Variants in SYDE2 observed in about 807,000 individuals in gnomAD.
SYDE2 encodes the protein rho GTPase-activating protein SYDE2.
In SYDE2, 76 loss-of-function variants were observed where a neutral mutation model predicts 91.5. The observed-to-expected ratio is 0.83, with a 90% CI of 0.69 to 1.01. The LOEUF is 1.01. SYDE2 is among the 50% of genes least tolerant of loss of function. The pLI, the probability that SYDE2 is intolerant of heterozygous loss-of-function variation, is 0.00. For missense variants in SYDE2, 1,364 were observed against 1,367.7 expected, an observed-to-expected ratio of 1.00 and a Z score of 0.04; for synonymous variants, 513 against 506.4, an observed-to-expected ratio of 1.01 and a Z score of -0.18.
chr1:85,180,411 G>A (rs1354968113), intron 3 of SYDE2, among the ~76,000 whole-genome samples: 1 of 152,092 alleles, frequency 6.6e-6, no homozygotes, highest in Non-Finnish European at 1.5e-5. Flanking sequence ...ACAGTTCTAG[G>A]CCGGACGCGG....
At position 85,200,282 on chromosome 1, in the gene SYDE2, C is replaced by A; in HGVS notation, c.715G>T (p.Val239Leu). The change falls in exon 1 of 7, where the codon GTG (valine) becomes TTG (leucine). Residue 239 changes from valine (V) to leucine (L), a missense_variant. Val to Leu is a conservative substitution (Grantham distance 32, BLOSUM62 1). Transcript: ENST00000341460. ...AGCGTAATTCTTTGGTCTGGAGGCA[C>A]CGACAGGACACGGTTTTCACGCACT... ...LKVRENRVLS[V>L]PPDQRITLTD... is the part of the protein sequence containing the mutation. 1.2e-6 allele frequency: 2 copies of A among 1,613,994 alleles called. No individual in the cohort carries two copies. Among genetic ancestry groups the A allele is most frequent in the Non-Finnish European group, 1.7e-6 (2 of 1,179,904 alleles).
At chr1:85,184,609 T>C (rs1197441415) in intron 2 of SYDE2, among the ~76,000 whole-genome samples, 1 of 133,112 alleles carries the variant, frequency 7.5e-6, no homozygotes, top group Non-Finnish European at 1.7e-5. Flanking sequence ...ATATATATCA[T>C]GGTGGCTCAC....
chr1:85,191,150 G>A (rs1393991068), intron 1 of SYDE2, among the ~76,000 whole-genome samples: 1 of 152,126 alleles, frequency 6.6e-6, no homozygotes, highest in African/African-American at 2.4e-5. Context: ...GAAGTCCTTA[G>A]AAATATAATA....
chr1:85,187,634 AG>A (rs1658200641), intron 2 of SYDE2, among the ~76,000 whole-genome samples: 1 of 151,296 alleles, frequency 6.6e-6, no homozygotes, highest in Non-Finnish European at 1.5e-5. Flanking sequence ...CAACAATGAT[AG>A]ACTGGATTAA....
At position 85,169,150 on chromosome 1, in the gene SYDE2, G is replaced by T; in HGVS notation, c.2747C>A (p.Ala916Glu). Residue 916 changes from alanine (A) to glutamate (E), a missense_variant, in exon 5 of 7, where the codon GCA becomes GAA. Transcript: ENST00000341460. ...TKQLYEAVLD[A>E]MAKSPLKMSS... Reference sequence around the variant, plus strand: ...CATTTTCAAAGGACTTTTTGCCATTGCATCTAATACAGCCTCATAAAGCTG... The same window carrying T: ...CATTTTCAAAGGACTTTTTGCCATTTCATCTAATACAGCCTCATAAAGCTG... 1 of 1,613,802 alleles carries T rather than the reference G, an allele frequency of 6.2e-7. No individual in the cohort carries two copies. The highest frequency in any genetic ancestry group is 2.2e-5 in the East Asian group (1 of 44,852).
In SYDE2 at chr1:85,182,632, A is replaced by T. The variant is rs915980696; in HGVS notation, c.2010T>A (p.Asp670Glu). 1 of 1,613,798 alleles carries T rather than the reference A, an allele frequency of 6.2e-7. No individual in the cohort carries two copies. Among genetic ancestry groups the T allele is most frequent in the Non-Finnish European group, 8.5e-7 (1 of 1,179,860 alleles). The change falls in exon 3 of 7, where the codon GAT becomes GAA. Residue 670 changes from aspartate (D) to glutamate (E), a missense_variant. Transcript: ENST00000341460. The part of the protein sequence containing the change: ...IDAFRHYSFS[D>E]QPKCSQYISG... ...ATATGTACTGTGAACACTTAGGTTG[A>T]TCAGAAAAGCTATAATGCCTAAAAG...
At chr1:85,168,043 A>G (rs1289333150) in intron 5 of SYDE2, among the ~76,000 whole-genome samples, 1 of 151,836 alleles carries the variant, frequency 6.6e-6, no homozygotes, top group Non-Finnish European at 1.5e-5. Flanking sequence ...GAACCTGTAA[A>G]GGTGGAGGTT....
intron 1 of SYDE2, among the ~76,000 whole-genome samples, chr1:85,192,968 C>T (rs955919590): frequency 5.3e-5 from 8 of 152,098 alleles, no homozygotes; most frequent in Admixed American, 1.3e-4. Flanking sequence ...AAATAATGTT[C>T]AAAATACTTG....
chr1:85,159,624 G>A (rs72720602), intron 6 of SYDE2, among the ~76,000 whole-genome samples: 19,159 of 152,180 alleles, frequency 0.13, 1,570 homozygotes, highest in Non-Finnish European at 0.18. Context: ...GCATATTGGT[G>A]TACAAACAAA....
chr1:85,169,034 T>G lies in SYDE2; in HGVS notation c.2853+10A>C, dbSNP rs1430760507. 6.2e-7 allele frequency: 1 copy of G among 1,612,976 alleles called. No individual in the cohort carries two copies. The highest frequency in any genetic ancestry group is 1.7e-5 in the Admixed American group (1 of 60,022). ...GGCTTTCAGGAAAAATGTATACTGGTAATGCTTACCTTCTCAATCTCTGGC... is the reference window on the plus strand; with the variant it reads ...GGCTTTCAGGAAAAATGTATACTGGGAATGCTTACCTTCTCAATCTCTGGC... On this transcript the variant is annotated intron_variant, in intron 5 of 6. Coordinates refer to ENST00000341460, the MANE Select transcript of SYDE2 (RefSeq NM_032184.2).
chr1:85,164,498 T>C (rs749117694), intron 6 of SYDE2, 28 bp downstream of exon 6: 7 of 1,417,668 alleles, frequency 4.9e-6, no homozygotes, highest in African/African-American at 2.9e-5. Context: ...TCATTGAAAG[T>C]GAAAAACATT....
At chr1:85,197,159 T>A (rs1658616502) in intron 1 of SYDE2, among the ~76,000 whole-genome samples, 1 of 152,220 alleles carries the variant, frequency 6.6e-6, no homozygotes, top group Non-Finnish European at 1.5e-5. Context: ...ATTTTTATTA[T>A]GTGTAATGAC....
chr1:85,200,659 T>A lies in SYDE2; in HGVS notation c.338A>T (p.His113Leu). 1 of 1,538,734 alleles carries A rather than the reference T, an allele frequency of 6.5e-7. No individual in the cohort carries two copies. Among genetic ancestry groups the A allele is most frequent in the Non-Finnish European group, 8.7e-7 (1 of 1,147,764 alleles). Residue 113 changes from histidine (H) to leucine (L), a missense_variant, in exon 1 of 7, where the codon CAC becomes CTC. Coordinates refer to ENST00000341460, the MANE Select transcript of SYDE2 (RefSeq NM_032184.2). ...PSDSWIRCGA[H>L]RDWDEPPPRG... ...TGGCGGGGGCTCGTCCCAGTCCCGG[T>A]GCGCGCCGCACCTGATCCAGCTGTC... is the stretch of plus-strand genomic sequence containing the variant.
At chr1:85,161,221 T>C in intron 6 of SYDE2, 1 of 501,402 alleles carries the variant, frequency 2.0e-6, no homozygotes, top group Non-Finnish European at 2.6e-6. Context: ...TTTCTACCAG[T>C]AGATTTGTTT....
chr1:85,168,766 ATAT>A (rs1410347505), intron 5 of SYDE2, among the ~76,000 whole-genome samples: 6 of 152,220 alleles, frequency 3.9e-5, no homozygotes, highest in African/African-American at 1.4e-4. Context: ...TAATGAACAA[ATAT>A]TATTGTAATA....
chr1:85,167,352 A>G (rs1657324878), intron 5 of SYDE2, among the ~76,000 whole-genome samples: 2 of 152,242 alleles, frequency 1.3e-5, no homozygotes, highest in Non-Finnish European at 2.9e-5. Flanking sequence ...TTAAAAATAA[A>G]TCTGTGTACA....
At chr1:85,156,626 A>G (rs1413791799), downstream of SYDE2, among the ~76,000 whole-genome samples, 1 of 152,170 alleles carries the variant, frequency 6.6e-6, no homozygotes, top group African/African-American at 2.4e-5. Flanking sequence ...CAAAAAAATG[A>G]TAGAATTCTC....
chr1:85,193,384 C>T (rs1658448423), intron 1 of SYDE2, among the ~76,000 whole-genome samples: 1 of 152,214 alleles, frequency 6.6e-6, no homozygotes, highest in South Asian at 2.1e-4. Flanking sequence ...CTATGAGCCA[C>T]ATCTTATTTT....
At chr1:85,199,037 C>T (rs955692125) in intron 1 of SYDE2, among the ~76,000 whole-genome samples, 1 of 152,144 alleles carries the variant, frequency 6.6e-6, no homozygotes, top group Non-Finnish European at 1.5e-5. Flanking sequence ...AGTTGGCACA[C>T]ACTTTGAATG....
Sources: gnomAD v4.1 joint callset for allele counts (sites outside exome capture counted in the v4.1 genomes callset) on GRCh38, gnomAD v4.1.1 for gene constraint, MANE v1.5 for transcripts, NCBI Gene and HGNC (gene_info 2026-07-23, HGNC 2026-07-21) for gene names.